The following L3MBTL4 variants were observed in gnomAD, a reference collection of about 807,000 sequenced individuals.
L3MBTL4 encodes the protein L3MBTL histone methyl-lysine binding protein 4.
L3MBTL4 carries 70 observed loss-of-function variants against 84.5 expected under a neutral mutation model. The observed-to-expected ratio is 0.83, with a 90% CI of 0.68 to 1.01. The LOEUF (loss-of-function observed/expected upper bound fraction) is 1.01. Ranked by LOEUF, L3MBTL4 falls within the 50% of genes least tolerant of loss-of-function variation. The pLI, the probability that L3MBTL4 is intolerant of heterozygous loss-of-function variation, is 0.00. For synonymous variants in L3MBTL4, 274 were observed against 259.8 expected (o/e 1.05, Z -0.52); for missense variants, 715 against 754.8 (o/e 0.95, Z 0.62).
chr18:6,269,476 C>A (rs2048775620), intron 4 of L3MBTL4, among the ~76,000 whole-genome samples: 1 of 151,908 alleles, frequency 6.6e-6, no homozygotes, highest in South Asian at 2.1e-4. Context: ...ACAAAAAAAA[C>A]AAACAAAAAA....
At chr18:6,071,236 C>T (rs1308387980) in intron 16 of L3MBTL4, among the ~76,000 whole-genome samples, 3 of 151,598 alleles carry the variant, frequency 2.0e-5, no homozygotes, top group Non-Finnish European at 4.4e-5. Flanking sequence ...ACTAAAAACA[C>T]AAAAATTAGC....
intron 1 of L3MBTL4, among the ~76,000 whole-genome samples, chr18:6,348,496 A>G (rs2053026205): frequency 6.6e-6 from 1 of 152,172 alleles, no homozygotes; most frequent in Admixed American, 6.5e-5. Context: ...TGTGATTGAA[A>G]AAGATGATCT....
intron 13 of L3MBTL4, among the ~76,000 whole-genome samples, chr18:6,169,794 G>A (rs1323316580): frequency 3.3e-5 from 5 of 151,860 alleles, no homozygotes; most frequent in Admixed American, 6.5e-5. Flanking sequence ...AAACCTGCAC[G>A]TTGTGCACAT....
intron 10 of L3MBTL4, 29 bp downstream of exon 10, chr18:6,237,935 T>G (rs1042200929): frequency 6.3e-7 from 1 of 1,592,052 alleles, no homozygotes; most frequent in Non-Finnish European, 8.6e-7. Flanking sequence ...CAGAGATGAC[T>G]TCAAAGAAAA....
chr18:6,016,295 C>G (rs886375107), intron 16 of L3MBTL4, among the ~76,000 whole-genome samples: 3 of 152,208 alleles, frequency 2.0e-5, no homozygotes, highest in African/African-American at 7.2e-5. Context: ...GAATTTCGAA[C>G]TACATGCTGC....
chr18:6,141,297 T>C (rs1444137249), intron 13 of L3MBTL4, among the ~76,000 whole-genome samples: 1 of 152,064 alleles, frequency 6.6e-6, no homozygotes, highest in East Asian at 1.9e-4. Context: ...CTAGTCAACC[T>C]GAAATTTCAG....
In L3MBTL4 at chr18:6,165,513, TG is replaced by T. The variant is rs548902652; in HGVS notation, c.1096+6314del. Among the ~76,000 whole-genome samples the T allele has an allele frequency of 4.6e-5, 7 of 151,554 alleles. No individual in the cohort carries two copies. The South Asian group carries it at 1.5e-3, about 32-fold the overall frequency. On this transcript the variant is annotated intron_variant, in intron 13 of 18. Transcript: ENST00000317931. The stretch of plus-strand genomic sequence containing the variant: ...AGAAATTCTACAAGCCAGAAGAGAG[TG>T]GGGGCCAATATTCAACATTCTTAAA...
At chr18:6,277,750 T>C (rs2049151377) in intron 4 of L3MBTL4, among the ~76,000 whole-genome samples, 1 of 152,192 alleles carries the variant, frequency 6.6e-6, no homozygotes, top group Non-Finnish European at 1.5e-5. Flanking sequence ...GTATTGCTAT[T>C]ATGAATGGAA....
intron 16 of L3MBTL4, among the ~76,000 whole-genome samples, chr18:6,059,034 A>G (rs2057118832): frequency 6.6e-6 from 1 of 152,180 alleles, no homozygotes; most frequent in Non-Finnish European, 1.5e-5. Flanking sequence ...GTCAATAGCC[A>G]AGGACCCTCA....
At chr18:6,090,788 C>T (rs1243730545) in intron 15 of L3MBTL4, among the ~76,000 whole-genome samples, 4 of 121,994 alleles carry the variant, frequency 3.3e-5, no homozygotes, top group Non-Finnish European at 6.5e-5. Flanking sequence ...CCACACCCAC[C>T]TATTTTTTTT....
chr18:6,024,208 T>C (rs887505532), intron 16 of L3MBTL4, among the ~76,000 whole-genome samples: 7 of 152,204 alleles, frequency 4.6e-5, no homozygotes, highest in Non-Finnish European at 7.3e-5. Context: ...TCTTTTGCAA[T>C]GTTCACAACT....
chr18:6,128,693 G>A (rs902609813), intron 14 of L3MBTL4, among the ~76,000 whole-genome samples: 17 of 152,196 alleles, frequency 1.1e-4, no homozygotes, highest in African/African-American at 2.6e-4. Flanking sequence ...TAACTCCCTC[G>A]CACAAACTCT....
intron 1 of L3MBTL4, among the ~76,000 whole-genome samples, chr18:6,393,077 TAA>T (rs11293076): frequency 2.0e-5 from 3 of 151,134 alleles, no homozygotes; most frequent in East Asian, 1.9e-4. Flanking sequence ...GTGATTGAAA[TAA>T]AAAAAAAAAT....
At chr18:6,302,309 A>G (rs1175326727) in intron 3 of L3MBTL4, among the ~76,000 whole-genome samples, 1 of 152,222 alleles carries the variant, frequency 6.6e-6, no homozygotes, top group Non-Finnish European at 1.5e-5. Flanking sequence ...CACCGAAGCC[A>G]AGCCCTCCAT....
At chr18:6,156,702 C>A (rs150457810) in intron 13 of L3MBTL4, among the ~76,000 whole-genome samples, 2 of 152,280 alleles carry the variant, frequency 1.3e-5, no homozygotes, top group East Asian at 3.9e-4. Context: ...ATCTGGCGAG[C>A]CTTACTGTCA....
At chr18:6,389,010 C>A (rs341205) in intron 1 of L3MBTL4, among the ~76,000 whole-genome samples, 76,941 of 151,938 alleles carry the variant, frequency 0.51, 19,542 homozygotes, top group East Asian at 0.59. Context: ...AGGAAACTAT[C>A]GTTTGTGATC....
intron 12 of L3MBTL4, among the ~76,000 whole-genome samples, chr18:6,201,289 G>A (rs775400624): frequency 9.9e-5 from 15 of 152,134 alleles, no homozygotes; most frequent in South Asian, 4.1e-4. Flanking sequence ...AAGTGTACAC[G>A]TTCAGACACG....
rs143723829 is a variant in L3MBTL4 at position 6,356,291 on chromosome 18, C to T, written c.-90-44235G>A. On this transcript the variant is annotated intron_variant, in intron 1 of 18. Transcript: ENST00000317931. Reference sequence around the variant, plus strand: ...CATGGAGAACCCACAGGCCAAACCTCGAAGAGGAGATGGCAATCAACATAA... The same window carrying T: ...CATGGAGAACCCACAGGCCAAACCTTGAAGAGGAGATGGCAATCAACATAA... Among the ~76,000 whole-genome samples, 64 of 152,226 alleles carry T rather than the reference C, an allele frequency of 4.2e-4. 1 individual carries two copies. Among genetic ancestry groups the T allele is most frequent in the African/African-American group, 1.5e-3 (63 of 41,454 alleles).
At position 6,160,597 on chromosome 18, in the gene L3MBTL4, TG is replaced by T. The variant is rs572957596; in HGVS notation, c.1096+11230del. ...AAATACAAAAATTAGCCGGGCTTGG[TG>T]GCGGGGTCTGTAATCCCAGCTACCC... On this transcript the variant is annotated intron_variant, in intron 13 of 18. Transcript: ENST00000317931. Among the ~76,000 whole-genome samples the T allele has an allele frequency of 1.3e-3, 202 of 152,070 alleles. 1 individual carries two copies. Among genetic ancestry groups the T allele is most frequent in the African/African-American group, 4.4e-3 (183 of 41,462 alleles).
Sources: allele counts gnomAD v4.1 joint callset (sites outside exome capture counted in the v4.1 genomes callset), GRCh38; gene constraint gnomAD v4.1.1; transcripts MANE v1.5; gene names NCBI Gene and HGNC (gene_info 2026-07-23, HGNC 2026-07-21).